Variants in IL1RAPL1 observed in about 807,000 individuals in gnomAD.
The protein encoded by IL1RAPL1 is interleukin-1 receptor accessory protein-like 1.
Under a neutral mutation model 48.4 loss-of-function variants are expected in IL1RAPL1, and 3 were observed. The observed-to-expected ratio is 0.06, with a 90% CI of 0.03 to 0.16. The LOEUF (loss-of-function observed/expected upper bound fraction) is 0.16, where lower values mean the gene tolerates loss of function less well. Ranked by LOEUF, IL1RAPL1 falls within the 10% of genes least tolerant of loss-of-function variation. The pLI, the probability that IL1RAPL1 is intolerant of heterozygous loss-of-function variation, is 1.00. For missense variants in IL1RAPL1, 349 were observed against 530.6 expected (o/e 0.66, Z 3.36); for synonymous variants, 185 against 187.7 (o/e 0.99, Z 0.12).
intron 6 of IL1RAPL1, among the ~76,000 whole-genome samples, chrX:29,846,273 C>A (rs1366172102): frequency 9.0e-6 from 1 of 111,146 alleles, no homozygotes; most frequent in African/African-American, 3.3e-5. Flanking sequence ...AATACAGAAA[C>A]CTTACTTGTT....
At chrX:29,528,882 G>C (rs1367077511) in intron 5 of IL1RAPL1, among the ~76,000 whole-genome samples, 2 of 111,237 alleles carry the variant, frequency 1.8e-5, no homozygotes, top group Admixed American at 9.6e-5. Context: ...GGATCTTGGA[G>C]CCCCTCTTTG....
At chrX:28,902,610 C>T (rs1569196656) in intron 2 of IL1RAPL1, among the ~76,000 whole-genome samples, 2 of 111,752 alleles carry the variant, frequency 1.8e-5, no homozygotes, top group Non-Finnish European at 3.8e-5. Context: ...CTTTCTACAC[C>T]TGGTAATAGT....
chrX:29,202,477 A>G (rs1351376635), intron 2 of IL1RAPL1, among the ~76,000 whole-genome samples: 1 of 112,279 alleles, frequency 8.9e-6, no homozygotes, highest in Non-Finnish European at 1.9e-5. Flanking sequence ...TCAAAGCAGA[A>G]TTATCATTTA....
intron 1 of IL1RAPL1, among the ~76,000 whole-genome samples, chrX:28,660,947 C>G (rs1388152059): frequency 9.0e-6 from 1 of 111,451 alleles, no homozygotes; most frequent in Non-Finnish European, 1.9e-5. Flanking sequence ...TGGGCCAGAC[C>G]TAAATGTACA....
intron 6 of IL1RAPL1, among the ~76,000 whole-genome samples, chrX:29,901,913 A>C (rs1389283138): frequency 8.9e-6 from 1 of 112,335 alleles, no homozygotes; most frequent in Admixed American, 9.4e-5. Flanking sequence ...AAACCTAAAG[A>C]TATCTGCATT....
chrX:29,853,327 G>A (rs774842174), intron 6 of IL1RAPL1, among the ~76,000 whole-genome samples: 5 of 106,587 alleles, frequency 4.7e-5, no homozygotes, highest in African/African-American at 1.0e-4. Context: ...ACCCAGTCTC[G>A]AAAAAAAGAA....
chrX:28,861,124 A>G (rs1921932812), intron 2 of IL1RAPL1, among the ~76,000 whole-genome samples: 1 of 111,731 alleles, frequency 9.0e-6, no homozygotes. Context: ...CTATTTTAAT[A>G]GCAGCATTAA....
At chrX:29,826,897 C>T (rs1159850906) in intron 6 of IL1RAPL1, among the ~76,000 whole-genome samples, 3 of 111,872 alleles carry the variant, frequency 2.7e-5, no homozygotes, top group Non-Finnish European at 3.8e-5. Context: ...CTGAGTCATA[C>T]GGTATCTCTA....
chrX:28,760,764 A>G (rs1412040955), intron 1 of IL1RAPL1, among the ~76,000 whole-genome samples: 2 of 111,239 alleles, frequency 1.8e-5, no homozygotes, highest in Non-Finnish European at 3.8e-5. Flanking sequence ...ACACCACCTC[A>G]CATTATCCAG....
At chrX:29,935,180 G>A (rs1933012013) in intron 8 of IL1RAPL1, among the ~76,000 whole-genome samples, 1 of 109,599 alleles carries the variant, frequency 9.1e-6, no homozygotes, top group East Asian at 2.9e-4. Context: ...GGGGTGGGGG[G>A]GATGATATCA....
At chrX:29,930,448 A>G (rs1414300036) in intron 8 of IL1RAPL1, among the ~76,000 whole-genome samples, 2 of 112,137 alleles carry the variant, frequency 1.8e-5, no homozygotes, top group Non-Finnish European at 3.8e-5. Flanking sequence ...ACTAGTATTT[A>G]AAGCCATAGA....
chrX:29,541,256 C>T (rs1458110148), intron 5 of IL1RAPL1, among the ~76,000 whole-genome samples: 2 of 111,614 alleles, frequency 1.8e-5, no homozygotes, highest in South Asian at 7.6e-4. Flanking sequence ...GTCAGAATGG[C>T]TGTTATTAAA....
intron 5 of IL1RAPL1, among the ~76,000 whole-genome samples, chrX:29,629,243 T>C (rs765758675): frequency 9.5e-4 from 106 of 111,865 alleles, no homozygotes; most frequent in African/African-American, 3.2e-3. Flanking sequence ...ATAAAATTCC[T>C]AAGAAAGAAT....
intron 2 of IL1RAPL1, among the ~76,000 whole-genome samples, chrX:29,277,473 T>G (rs1932137723): frequency 8.9e-6 from 1 of 112,138 alleles, no homozygotes; most frequent in Non-Finnish European, 1.9e-5. Flanking sequence ...ACCTAAAACA[T>G]TGAGGATTTG....
chrX:29,916,023 G>C (rs1291518410), intron 6 of IL1RAPL1, among the ~76,000 whole-genome samples: 4 of 99,955 alleles, frequency 4.0e-5, no homozygotes, highest in Non-Finnish European at 8.0e-5. Context: ...TCTTGCGATA[G>C]TTTACTGAGA....
At chrX:28,708,117 A>G (rs761215997) in intron 1 of IL1RAPL1, among the ~76,000 whole-genome samples, 1 of 111,787 alleles carries the variant, frequency 8.9e-6, no homozygotes, top group South Asian at 3.8e-4. Flanking sequence ...GGCAACATTG[A>G]GGAATTAAGG....
At chrX:29,579,394 T>C (rs1050417230) in intron 5 of IL1RAPL1, among the ~76,000 whole-genome samples, 3 of 111,583 alleles carry the variant, frequency 2.7e-5, no homozygotes, top group Middle Eastern at 4.7e-3. Context: ...TGGTGAGAGA[T>C]AGAAAAAAAT....
intron 2 of IL1RAPL1, among the ~76,000 whole-genome samples, chrX:29,195,051 T>C (rs1930417694): frequency 9.0e-6 from 1 of 111,693 alleles, no homozygotes; most frequent in African/African-American, 3.3e-5. Flanking sequence ...TCCAGAACAC[T>C]TTCAGGGTAG....
At chrX:28,646,564 A>G (rs931795704) in intron 1 of IL1RAPL1, among the ~76,000 whole-genome samples, 20 of 112,732 alleles carry the variant, frequency 1.8e-4, no homozygotes, top group African/African-American at 5.5e-4. Context: ...GATTTGTTCA[A>G]TGCAATGTGG....
Sources: allele counts gnomAD v4.1 joint callset (sites outside exome capture counted in the v4.1 genomes callset), GRCh38; gene constraint gnomAD v4.1.1; transcripts MANE v1.5; gene names NCBI Gene and HGNC (gene_info 2026-07-23, HGNC 2026-07-21).